NRDC: variants seen among roughly 807,000 people sequenced by gnomAD.
The protein encoded by NRDC is nardilysin.
Under a neutral mutation model 147.1 loss-of-function variants are expected in NRDC, and 54 were observed. That is an observed-to-expected ratio of 0.37 (90% CI 0.29 to 0.46). The LOEUF (loss-of-function observed/expected upper bound fraction) is 0.46, where lower values mean the gene tolerates loss of function less well. NRDC is among the 20% of genes least tolerant of loss of function. The pLI is 1.00. For synonymous variants in NRDC, 440 were observed against 482.1 expected, an observed-to-expected ratio of 0.91 and a Z score of 1.14; for missense variants, 1,082 against 1,370.6, an observed-to-expected ratio of 0.79 and a Z score of 3.33.
intron 1 of NRDC, among the ~76,000 whole-genome samples, chr1:51,845,259 T>C (rs1418146631): frequency 6.6e-6 from 1 of 152,210 alleles, no homozygotes; most frequent in Non-Finnish European, 1.5e-5. Context: ...AGATAAAGTA[T>C]GTGCCCGACT....
chr1:51,828,954 T>G (rs376087887), intron 4 of NRDC, among the ~76,000 whole-genome samples: 93 of 152,302 alleles, frequency 6.1e-4, no homozygotes, highest in African/African-American at 2.1e-3. Flanking sequence ...ACTTTTAACT[T>G]TTGCTTGCAA....
In NRDC at chr1:51,800,399, T is replaced by C. The variant is rs867113913; in HGVS notation, c.2441+157A>G. 2.0e-5 allele frequency among the ~76,000 whole-genome samples: 3 copies of C among 152,186 alleles called. No individual in the cohort carries two copies. In the South Asian group the frequency reaches 6.2e-4, roughly 32 times the overall value. ...TAGCTACATAAGCTGGGTTTAGAAA[T>C]ACCGTAACGCTATGCACGGGTCTCC... is the stretch of plus-strand genomic sequence containing the variant. On this transcript the variant is annotated intron_variant, in intron 21 of 30. Coordinates refer to ENST00000352171, the MANE Select transcript of NRDC (RefSeq NM_001101662.2).
chr1:51,790,678 G>T, intron 28 of NRDC, 29 bp from the exon 29 acceptor site: 1 of 1,497,730 alleles, frequency 6.7e-7, no homozygotes, highest in East Asian at 2.3e-5. Flanking sequence ...AAGATGCTCA[G>T]GTGAGGCAAC....
Position 51,820,835 on chromosome 1 carries a change from C to T in NRDC, c.1217+663G>A, listed in dbSNP as rs568874731. Among the ~76,000 whole-genome samples the T allele has an allele frequency of 3.9e-5, 6 of 152,144 alleles. No homozygotes were observed. The South Asian group carries it at 8.3e-4, about 21-fold the overall frequency. ...TTGTTAAAATGCAAACTACTAAGTA[C>T]AGGAAGAAAGATTTCATTGCTTCAG... is the stretch of plus-strand genomic sequence containing the variant. On this transcript the variant is annotated intron_variant, in intron 8 of 30. Transcript: ENST00000352171.
At chr1:51,838,563 A>C (rs1277181537) in intron 2 of NRDC, among the ~76,000 whole-genome samples, 1 of 152,208 alleles carries the variant, frequency 6.6e-6, no homozygotes, top group Non-Finnish European at 1.5e-5. Context: ...TATTCAGTTA[A>C]GAAGTTATAA....
intron 1 of NRDC, among the ~76,000 whole-genome samples, chr1:51,869,760 T>C (rs941964724): frequency 7.2e-5 from 11 of 152,212 alleles, no homozygotes; most frequent in Non-Finnish European, 1.3e-4. Context: ...TAGCTAACAT[T>C]TGAGTGCTTA....
Position 51,814,029 on chromosome 1 carries a change from C to T in NRDC, c.1674+6G>A. The T allele has an allele frequency of 1.3e-6, 2 of 1,582,846 alleles. No homozygotes were observed. The highest frequency in any genetic ancestry group is 1.7e-6 in the Non-Finnish European group (2 of 1,154,144). ...TAACATGCAAAAAGAATTTGACTTC[C>T]AGTACCTGTTCTTGGTAATGAAATT... On this transcript the variant is annotated splice_donor_region_variant and intron_variant, in intron 14 of 30. Transcript: ENST00000352171.
In NRDC at chr1:51,878,721, C is replaced by T; in HGVS notation, c.-106G>A. 1 of 958,796 alleles carries T rather than the reference C, an allele frequency of 1.0e-6. No homozygotes were observed. The highest frequency in any genetic ancestry group is 1.5e-6 in the Non-Finnish European group (1 of 649,976). 59.4% of individuals were successfully genotyped at this position (958,796 alleles called of 1,614,324 possible). On this transcript the variant is annotated 5_prime_UTR_variant, in exon 1 of 31. Transcript: ENST00000352171. ...CTGGTGCTGCCGCAGCCGCGGGGAA[C>T]AGGCCTGAACCCCTCCCCCAACCCA...
At position 51,840,521 on chromosome 1, in the gene NRDC, G is replaced by C. The variant is rs762665452; in HGVS notation, c.342-7C>G. 6.4e-7 allele frequency: 1 copy of C among 1,561,280 alleles called. No individual in the cohort carries two copies. Among genetic ancestry groups the C allele is most frequent in the Non-Finnish European group, 8.6e-7 (1 of 1,157,540 alleles). On this transcript the variant is annotated splice_region_variant and splice_polypyrimidine_tract_variant and intron_variant, in intron 1 of 30. Transcript: ENST00000352171. The stretch of plus-strand genomic sequence containing the variant: ...ATTCTGTAATTTGATGTATCTGGGG[G>C]GAGAAAAAAAAAATCACACATTTTG...
intron 30 of NRDC, 36 bp downstream of exon 30, chr1:51,789,532 A>G: frequency 6.3e-7 from 1 of 1,592,638 alleles, no homozygotes; most frequent in Non-Finnish European, 8.6e-7. Context: ...GTAAATGACA[A>G]CCCTAGAATG....
intron 18 of NRDC, among the ~76,000 whole-genome samples, 195 bp downstream of exon 18, chr1:51,806,599 A>G (rs911348121): frequency 1.3e-5 from 2 of 152,172 alleles, no homozygotes; most frequent in African/African-American, 2.4e-5. Flanking sequence ...AGCAAAGTGG[A>G]GAAATATTTG....
intron 1 of NRDC, among the ~76,000 whole-genome samples, chr1:51,843,472 C>A (rs1249840576): frequency 1.3e-5 from 2 of 152,180 alleles, no homozygotes; most frequent in African/African-American, 2.4e-5. Context: ...TGCCTTTCTA[C>A]AAGTTGCTGC....
chr1:51,792,850 C>T (rs1231633066), intron 24 of NRDC, among the ~76,000 whole-genome samples: 1 of 152,184 alleles, frequency 6.6e-6, no homozygotes, highest in Non-Finnish European at 1.5e-5. Context: ...ACCAGTGCCA[C>T]ATAAAAGGAC....
chr1:51,850,983 TG>T (rs1681919479), intron 1 of NRDC, among the ~76,000 whole-genome samples: 1 of 152,122 alleles, frequency 6.6e-6, no homozygotes, highest in Non-Finnish European at 1.5e-5. Context: ...GCAACCAAAA[TG>T]GGACAAAAGT....
chr1:51,832,769 A>G (rs571063163), intron 4 of NRDC, among the ~76,000 whole-genome samples: 1 of 152,316 alleles, frequency 6.6e-6, no homozygotes, highest in African/African-American at 2.4e-5. Context: ...TTAAAAATAT[A>G]TTTGCAAATA....
In NRDC at chr1:51,835,467, G is replaced by GTTT. The variant is rs951683379; in HGVS notation, c.712+661_712+663dup. Among the ~76,000 whole-genome samples, 356 of 114,600 alleles carry GTTT rather than the reference G, an allele frequency of 3.1e-3. 19 individuals are homozygous for GTTT. Among genetic ancestry groups the GTTT allele is most frequent in the African/African-American group, 0.012 (334 of 28,330 alleles). 75.2% of individuals were successfully genotyped at this position (114,600 alleles called of 152,430 possible). On this transcript the variant is annotated intron_variant, in intron 3 of 30. Coordinates refer to ENST00000352171, the MANE Select transcript of NRDC (RefSeq NM_001101662.2). ...AATTTCTAGGTTTTTTTTGTTTCTTGTTTTTTTTTTTTTTTTTTTGAGACA... is the reference window on the plus strand; with the variant it reads ...AATTTCTAGGTTTTTTTTGTTTCTTGTTTTTTTTTTTTTTTTTTTTTTGAGACA...
Position 51,840,483 on chromosome 1 carries a change from G to A in NRDC, c.373C>T (p.Leu125Phe). 6.2e-7 allele frequency: 1 copy of A among 1,609,608 alleles called. No individual in the cohort carries two copies. The highest frequency in any genetic ancestry group is 8.5e-7 in the Non-Finnish European group (1 of 1,178,530). Residue 125 changes from leucine (L) to phenylalanine (F), a missense_variant, in exon 2 of 31, where the codon CTT (leucine) becomes TTT (phenylalanine). By Grantham distance (22) the Leu-to-Phe change is conservative (BLOSUM62 0). Around this residue, in one of 3 missense-constraint regions of NRDC, gnomAD observed 260 missense variants for 253.2 expected, o/e 1.03. Transcript: ENST00000352171. ...YIKLQNGLQA[L>F]LISDLSNMEG... Reference sequence around the variant, plus strand: ...ATATTACTTAGGTCTGAAATCAGAAGTGCCTGCAAGCCATTCTGTAATTTG... The same window carrying A: ...ATATTACTTAGGTCTGAAATCAGAAATGCCTGCAAGCCATTCTGTAATTTG...
At position 51,837,733 on chromosome 1, in the gene NRDC, A is replaced by G. The variant is rs566778985; in HGVS notation, c.631-1521T>C. 107 of 734,408 alleles carry G rather than the reference A, an allele frequency of 1.5e-4. No individual in the cohort carries two copies. In the African/African-American group the frequency reaches 1.8e-3, roughly 12 times the overall value. The allele number at this position is 734,408 out of a possible 1,614,324, so 45.5% of individuals were successfully genotyped here. On this transcript the variant is annotated intron_variant, in intron 2 of 30. Coordinates refer to ENST00000352171, the MANE Select transcript of NRDC (RefSeq NM_001101662.2). ...CTGAACAAATCTTAATTCAATGTAT[A>G]TCATATTCAAATTTCAACCTTGTTA... is the stretch of plus-strand genomic sequence containing the variant.
rs1678449088 is a variant in NRDC at position 51,789,373 on chromosome 1, T to C, written c.3319A>G (p.Asn1107Asp). Residue 1107 changes from asparagine to aspartate, a missense_variant, in exon 31 of 31, where the codon AAT becomes GAT. By Grantham distance (23) the Asn-to-Asp change is conservative. Coordinates refer to ENST00000352171, the MANE Select transcript of NRDC (RefSeq NM_001101662.2). ...EDGTPSSEDS[N>D]SSCEVMQLTY... is the part of the protein sequence containing the mutation. ...AGCTGCATCACTTCACAAGAAGAAT[T>C]TGAATCCTCACTAGAAGGGGTACCA... 1 of 1,614,140 alleles carries C rather than the reference T, an allele frequency of 6.2e-7. No homozygotes were observed. The highest frequency in any genetic ancestry group is 1.1e-5 in the South Asian group (1 of 91,088).
Sources: allele counts gnomAD v4.1 joint callset (sites outside exome capture counted in the v4.1 genomes callset), GRCh38; gene constraint gnomAD v4.1.1; regional missense constraint gnomAD v4.1.1; transcripts MANE v1.5; gene names NCBI Gene and HGNC (gene_info 2026-07-23, HGNC 2026-07-21).